Variants in HIVEP2 observed in about 807,000 individuals in gnomAD.
HIVEP2 encodes the protein transcription factor HIVEP2.
Under a neutral mutation model 180.7 loss-of-function variants are expected in HIVEP2, and 14 were observed. The ratio of observed to expected loss-of-function variants is 0.08; its 90% CI spans 0.05 to 0.12. The LOEUF is 0.12. HIVEP2 is among the 10% of genes least tolerant of loss of function. The probability of loss-of-function intolerance (pLI) is 1.00; values close to 1 mark genes in which losing one functional copy is unlikely to be tolerated. For synonymous variants in HIVEP2, 1,184 were observed against 1,136.4 expected, an observed-to-expected ratio of 1.04 and a Z score of -0.84; for missense variants, 2,579 against 3,008.5, an observed-to-expected ratio of 0.86 and a Z score of 3.34.
chr6:142,779,938 T>G (rs1041269983), intron 3 of HIVEP2, among the ~76,000 whole-genome samples: 2 of 152,190 alleles, frequency 1.3e-5, no homozygotes, highest in Non-Finnish European at 2.9e-5. Flanking sequence ...ACCAGATACC[T>G]CATGGTCAGA....
intron 1 of HIVEP2, among the ~76,000 whole-genome samples, chr6:142,850,797 G>A (rs551348078): frequency 6.6e-6 from 1 of 152,264 alleles, no homozygotes; most frequent in South Asian, 2.1e-4. Flanking sequence ...GACTGCTCAC[G>A]CTCCTAGCAC....
intron 1 of HIVEP2, among the ~76,000 whole-genome samples, chr6:142,858,390 T>C (rs1179591138): frequency 2.0e-5 from 3 of 151,818 alleles, no homozygotes; most frequent in African/African-American, 4.8e-5. Context: ...ATGATAAATA[T>C]CTGTCTCCCA....
At chr6:142,913,398 G>A (rs967175165) in intron 1 of HIVEP2, among the ~76,000 whole-genome samples, 3 of 152,188 alleles carry the variant, frequency 2.0e-5, no homozygotes, top group African/African-American at 7.2e-5. Context: ...ATGGATCAGG[G>A]CACACTGGCT....
At chr6:142,826,348 G>T (rs1774900713) in intron 2 of HIVEP2, among the ~76,000 whole-genome samples, 1 of 152,134 alleles carries the variant, frequency 6.6e-6, no homozygotes, top group South Asian at 2.1e-4. Context: ...TGACCTAAGA[G>T]ATTGGCTTAG....
intron 2 of HIVEP2, among the ~76,000 whole-genome samples, chr6:142,805,261 C>T (rs1233592862): frequency 2.0e-5 from 3 of 152,060 alleles, no homozygotes; most frequent in African/African-American, 7.2e-5. Flanking sequence ...TACCAGCCAG[C>T]CTGTGCACAA....
intron 1 of HIVEP2, among the ~76,000 whole-genome samples, chr6:142,868,158 T>C (rs1776190494): frequency 6.6e-6 from 1 of 152,200 alleles, no homozygotes; most frequent in Non-Finnish European, 1.5e-5. Context: ...TACAGTTCAC[T>C]TAACCTCACA....
At chr6:142,845,539 T>A (rs1361837739) in intron 1 of HIVEP2, among the ~76,000 whole-genome samples, 1 of 152,176 alleles carries the variant, frequency 6.6e-6, no homozygotes, top group East Asian at 1.9e-4. Flanking sequence ...TCACCTGCTT[T>A]TAGAATTACA....
In HIVEP2 at chr6:142,768,110, A is replaced by G. The variant is rs180943875; in HGVS notation, c.5342+272T>C. 4.5e-4 allele frequency among the ~76,000 whole-genome samples: 69 copies of G among 152,352 alleles called. 1 individual carries two copies. The highest frequency in any genetic ancestry group is 6.8e-3 in the Middle Eastern group (2 of 294). On this transcript the variant is annotated intron_variant, in intron 6 of 9. Transcript: ENST00000367603. ...CTTAGATGACATCAAGTGTCCACCA[A>G]TTTAGTAGATTTCATAATAAATTAG...
chr6:142,884,462 TA>T (rs889786852), intron 1 of HIVEP2, among the ~76,000 whole-genome samples: 59 of 149,142 alleles, frequency 4.0e-4, no homozygotes, highest in South Asian at 1.1e-3. Context: ...AATTGTCATT[TA>T]AAAAAAAAAG....
chr6:142,825,905 T>C (rs766217361), intron 2 of HIVEP2, among the ~76,000 whole-genome samples: 6 of 152,036 alleles, frequency 3.9e-5, no homozygotes, highest in Non-Finnish European at 5.9e-5. Context: ...TTCAAACATA[T>C]GCACATAAAA....
chr6:142,824,283 C>T (rs995939594), intron 2 of HIVEP2, among the ~76,000 whole-genome samples: 3 of 151,990 alleles, frequency 2.0e-5, no homozygotes, highest in African/African-American at 7.2e-5. Flanking sequence ...AAGCATGACC[C>T]ATATAAAATT....
intron 2 of HIVEP2, chr6:142,794,230 CT>C (rs1268503698): frequency 6.6e-6 from 1 of 152,166 alleles, no homozygotes; most frequent in Non-Finnish European, 1.5e-5. Flanking sequence ...ACTATTTCTA[CT>C]TTTCTTTCCC....
intron 2 of HIVEP2, chr6:142,788,318 C>T (rs1776056005): frequency 2.3e-4 from 1 of 4,328 alleles, no homozygotes; most frequent in Admixed American, 7.0e-4. Context: ...AAAAAAAAAT[C>T]CCCCCCTCAA....
intron 1 of HIVEP2, among the ~76,000 whole-genome samples, chr6:142,846,335 G>C (rs1180359124): frequency 6.6e-6 from 1 of 152,112 alleles, no homozygotes; most frequent in African/African-American, 2.4e-5. Flanking sequence ...TGCAAAGGCA[G>C]ACACCACAAC....
intron 2 of HIVEP2, among the ~76,000 whole-genome samples, chr6:142,835,323 A>G (rs755316126): frequency 6.6e-6 from 1 of 152,184 alleles, no homozygotes; most frequent in African/African-American, 2.4e-5. Context: ...TGTCCAGGCC[A>G]TGTCCATTCT....
At chr6:142,826,992 T>C (rs1230515295) in intron 2 of HIVEP2, among the ~76,000 whole-genome samples, 1 of 152,198 alleles carries the variant, frequency 6.6e-6, no homozygotes, top group Non-Finnish European at 1.5e-5. Context: ...AGTGAATGAA[T>C]GATTGTAAAC....
chr6:142,854,758 G>A (rs1775773987), intron 1 of HIVEP2, among the ~76,000 whole-genome samples: 1 of 152,118 alleles, frequency 6.6e-6, no homozygotes, highest in Non-Finnish European at 1.5e-5. Context: ...TCCATAAACA[G>A]CAGCTGTATT....
At chr6:142,918,451 G>T (rs572359506) in intron 1 of HIVEP2, among the ~76,000 whole-genome samples, 1 of 152,242 alleles carries the variant, frequency 6.6e-6, no homozygotes, top group East Asian at 1.9e-4. Flanking sequence ...CATCCTCCTG[G>T]GTCTTCCACC....
chr6:142,828,233 CCT>C (rs889436742), intron 2 of HIVEP2, among the ~76,000 whole-genome samples: 2 of 152,182 alleles, frequency 1.3e-5, no homozygotes, highest in African/African-American at 4.8e-5. Context: ...TTGAGACTTG[CCT>C]CTGTTAGTTT....
Sources: gnomAD v4.1 joint callset for allele counts (sites outside exome capture counted in the v4.1 genomes callset) on GRCh38, gnomAD v4.1.1 for gene constraint, MANE v1.5 for transcripts, NCBI Gene and HGNC (gene_info 2026-07-23, HGNC 2026-07-21) for gene names.